CSMD1: variants seen among roughly 807,000 people sequenced by gnomAD.
CSMD1 encodes the protein CUB and Sushi multiple domains 1.
Under a neutral mutation model 417.5 loss-of-function variants are expected in CSMD1, and 213 were observed. The observed-to-expected ratio is 0.51, with a 90% confidence interval of 0.46 to 0.57. The LOEUF (loss-of-function observed/expected upper bound fraction) is 0.57, where lower values mean the gene tolerates loss of function less well. CSMD1 is among the 20% of genes least tolerant of loss of function. The probability of loss-of-function intolerance (pLI) is 0.00; values close to 1 mark genes in which losing one functional copy is unlikely to be tolerated. For missense variants in CSMD1, 6,923 were observed against 4,529.7 expected (o/e 1.53, Z -15.17); for synonymous variants, 2,862 against 1,736.8 (o/e 1.65, Z -16.11).
chr8:4,057,280 C>T (rs1159045049), intron 3 of CSMD1, among the ~76,000 whole-genome samples: 2 of 152,140 alleles, frequency 1.3e-5, no homozygotes, highest in East Asian at 1.9e-4. Context: ...TCTCTGATGG[C>T]CAGTGATGGT....
At chr8:2,971,393 C>T (rs1804444707) in intron 57 of CSMD1, among the ~76,000 whole-genome samples, 1 of 152,162 alleles carries the variant, frequency 6.6e-6, no homozygotes. Context: ...CTTTTCTGAA[C>T]TTGACGTTTC....
At chr8:4,415,897 A>G (rs1796909361) in intron 3 of CSMD1, among the ~76,000 whole-genome samples, 1 of 152,204 alleles carries the variant, frequency 6.6e-6, no homozygotes, top group East Asian at 1.9e-4. Context: ...AAGGATTGCA[A>G]CTTCTGTAGA....
Position 3,285,959 on chromosome 8 carries a change from A to G in CSMD1, c.3951-1613T>C, listed in dbSNP as rs1803121491. 1.3e-5 allele frequency among the ~76,000 whole-genome samples: 2 copies of G among 152,020 alleles called. 1 individual carries two copies. Among genetic ancestry groups the G allele is most frequent in the Admixed American group, 1.3e-4 (2 of 15,266 alleles). On this transcript the variant is annotated intron_variant, in intron 25 of 69. Coordinates refer to ENST00000635120, the MANE Select transcript of CSMD1 (RefSeq NM_033225.6). ...TAACTCACCATTTAACATTAGATAA[A>G]TTTCCTAATGCTATCCCTCCCCACT...
At chr8:3,478,558 C>G (rs563276937) in intron 11 of CSMD1, among the ~76,000 whole-genome samples, 1 of 152,284 alleles carries the variant, frequency 6.6e-6, no homozygotes, top group South Asian at 2.1e-4. Context: ...ACCAGAGAAA[C>G]AGCAGAGCAT....
intron 3 of CSMD1, among the ~76,000 whole-genome samples, chr8:4,160,255 A>G (rs1797071279): frequency 1.3e-5 from 2 of 152,134 alleles, no homozygotes; most frequent in Non-Finnish European, 2.9e-5. Context: ...ATCATAAAGT[A>G]ACACAAAACA....
chr8:4,053,480 C>T (rs7838743), intron 3 of CSMD1, among the ~76,000 whole-genome samples: 136,830 of 151,522 alleles, frequency 0.9, 61,970 homozygotes, highest in East Asian at 0.99. Flanking sequence ...TTTTGGCCAA[C>T]GCAATATATT....
chr8:3,819,414 T>A (rs565705875), intron 5 of CSMD1, among the ~76,000 whole-genome samples: 1 of 152,244 alleles, frequency 6.6e-6, no homozygotes, highest in South Asian at 2.1e-4. Flanking sequence ...ATTAATATTT[T>A]ATCAACAAGG....
intron 10 of CSMD1, among the ~76,000 whole-genome samples, chr8:3,549,460 C>T (rs908364525): frequency 6.6e-6 from 1 of 152,174 alleles, no homozygotes; most frequent in Non-Finnish European, 1.5e-5. Flanking sequence ...AACTCAGCCC[C>T]TCATGTCGCA....
At chr8:4,454,297 G>A (rs1362856016) in intron 2 of CSMD1, among the ~76,000 whole-genome samples, 1 of 152,150 alleles carries the variant, frequency 6.6e-6, no homozygotes, top group Non-Finnish European at 1.5e-5. Context: ...GTGGACACCA[G>A]ACGCAGCCTC....
chr8:4,044,026 T>TAA (rs201522590), intron 3 of CSMD1, among the ~76,000 whole-genome samples: 2 of 138,082 alleles, frequency 1.4e-5, no homozygotes, highest in East Asian at 2.0e-4. Flanking sequence ...AAAGCTTAAT[T>TAA]AAAAAAAAAC....
chr8:4,465,513 G>C (rs1243153280), intron 2 of CSMD1, among the ~76,000 whole-genome samples: 1 of 152,000 alleles, frequency 6.6e-6, no homozygotes, highest in Non-Finnish European at 1.5e-5. Context: ...TTAACAGTGG[G>C]GGATATGGAA....
chr8:3,784,315 A>C (rs1799331525), intron 5 of CSMD1, among the ~76,000 whole-genome samples: 1 of 152,230 alleles, frequency 6.6e-6, no homozygotes, highest in African/African-American at 2.4e-5. Flanking sequence ...TATACTTTCT[A>C]ATATCTCACT....
chr8:3,907,067 T>C (rs986345169), intron 5 of CSMD1, among the ~76,000 whole-genome samples: 16 of 152,182 alleles, frequency 1.1e-4, no homozygotes, highest in African/African-American at 3.9e-4. Flanking sequence ...CCAAATGTCG[T>C]AGCTAGTAAT....
chr8:4,628,385 C>CAT (rs1423590693), intron 2 of CSMD1, among the ~76,000 whole-genome samples: 2 of 143,564 alleles, frequency 1.4e-5, no homozygotes, highest in African/African-American at 2.6e-5. Context: ...TATATACACA[C>CAT]ATATATATAC....
intron 20 of CSMD1, 21 bp downstream of exon 20, chr8:3,367,011 C>T (rs765208927): frequency 6.3e-7 from 1 of 1,586,340 alleles, no homozygotes; most frequent in Non-Finnish European, 8.6e-7. Context: ...AGGAGAGAAA[C>T]AGCAAACAAG....
At chr8:3,974,703 T>C (rs1313568475) in intron 5 of CSMD1, among the ~76,000 whole-genome samples, 4 of 151,816 alleles carry the variant, frequency 2.6e-5, no homozygotes, top group Admixed American at 2.6e-4. Context: ...AGAATGAAAA[T>C]TTTATATAAG....
intron 10 of CSMD1, among the ~76,000 whole-genome samples, chr8:3,512,128 C>T (rs1262562391): frequency 6.6e-6 from 1 of 152,136 alleles, no homozygotes; most frequent in Non-Finnish European, 1.5e-5. Context: ...GGACTGTGGC[C>T]CCAACCACGC....
chr8:3,348,985 C>G (rs1053794689), intron 21 of CSMD1, among the ~76,000 whole-genome samples: 1 of 152,120 alleles, frequency 6.6e-6, no homozygotes, highest in East Asian at 1.9e-4. Context: ...GCTACATATA[C>G]GGGTGCACAC....
intron 3 of CSMD1, among the ~76,000 whole-genome samples, chr8:4,290,480 G>A (rs954294891): frequency 6.6e-6 from 1 of 152,110 alleles, no homozygotes; most frequent in South Asian, 2.1e-4. Context: ...CAGGGACACT[G>A]CATCTTTCAT....
Sources: gnomAD v4.1 joint callset for allele counts (sites outside exome capture counted in the v4.1 genomes callset) on GRCh38, gnomAD v4.1.1 for gene constraint, MANE v1.5 for transcripts, NCBI Gene and HGNC (gene_info 2026-07-23, HGNC 2026-07-21) for gene names.